Variants in TWIST2 observed in about 807,000 individuals in gnomAD.
The protein encoded by TWIST2 is twist-related protein 2.
A neutral mutation model predicts 11.6 loss-of-function variants in TWIST2; 1 was observed. That is an observed-to-expected ratio of 0.09 (90% CI 0.03 to 0.41). The LOEUF (loss-of-function observed/expected upper bound fraction) is 0.41, where lower values mean the gene tolerates loss of function less well. Among genes scored for constraint, TWIST2 ranks in the 10% least tolerant of loss-of-function variants. The pLI, the probability that TWIST2 is intolerant of heterozygous loss-of-function variation, is 0.98. For synonymous variants in TWIST2, 87 were observed against 96.6 expected, an observed-to-expected ratio of 0.90 and a Z score of 0.58; for missense variants, 168 against 226.4, an observed-to-expected ratio of 0.74 and a Z score of 1.66.
At chr2:238,870,151 C>A (rs1287670616) in intron 1 of TWIST2, among the ~76,000 whole-genome samples, 2 of 35,840 alleles carry the variant, frequency 5.6e-5, no homozygotes, top group African/African-American at 1.2e-4. Flanking sequence ...CCCATACACA[C>A]CACACCCCAC....
intron 1 of TWIST2, among the ~76,000 whole-genome samples, chr2:238,902,832 AGT>A (rs1203121909): frequency 5.0e-5 from 1 of 19,962 alleles, no homozygotes; most frequent in African/African-American, 2.9e-4. Context: ...TATGTGATAT[AGT>A]GTGTGTGATG....
chr2:238,906,610 A>T (rs1693359502), intron 1 of TWIST2, among the ~76,000 whole-genome samples: 2 of 151,926 alleles, frequency 1.3e-5, no homozygotes, highest in African/African-American at 2.4e-5. Flanking sequence ...CACTCTGGAC[A>T]TTCTTTCATA....
At chr2:238,872,287 TG>T in intron 1 of TWIST2, among the ~76,000 whole-genome samples, 1 of 152,132 alleles carries the variant, frequency 6.6e-6, no homozygotes, top group African/African-American at 2.4e-5. Flanking sequence ...GGCTGGACAC[TG>T]GGCTGAGCTA....
At chr2:238,908,594 G>A (rs1176790936) in intron 1 of TWIST2, among the ~76,000 whole-genome samples, 4 of 152,190 alleles carry the variant, frequency 2.6e-5, no homozygotes, top group Non-Finnish European at 5.9e-5. Flanking sequence ...CGACACCACT[G>A]TATGTGTGGC....
At chr2:238,905,956 TACGTGTGC>T (rs1693345738) in intron 1 of TWIST2, among the ~76,000 whole-genome samples, 5 of 111,178 alleles carry the variant, frequency 4.5e-5, no homozygotes, top group Admixed American at 1.6e-4. Context: ...CGCGCGTGTG[TACGTGTGC>T]GTGTGTGTGC....
chr2:238,887,253 C>T (rs1039211925), intron 1 of TWIST2: 10 of 152,138 alleles, frequency 6.6e-5, no homozygotes, highest in Non-Finnish European at 1.5e-4. Flanking sequence ...ATGAAGGTAA[C>T]TGAATGAGTA....
At chr2:238,851,825 G>A (rs747260094) in intron 1 of TWIST2, among the ~76,000 whole-genome samples, 56 of 152,180 alleles carry the variant, frequency 3.7e-4, no homozygotes, top group Non-Finnish European at 6.0e-4. Context: ...GCAATGTTTG[G>A]TTACAAAATA....
chr2:238,891,223 C>T (rs34004518), intron 1 of TWIST2, among the ~76,000 whole-genome samples: 30,151 of 152,178 alleles, frequency 0.2, 3,366 homozygotes, highest in Middle Eastern at 0.29. Flanking sequence ...TCCAGGTGCT[C>T]TTAGATCAGC....
At chr2:238,861,970 G>A (rs928862409) in intron 1 of TWIST2, among the ~76,000 whole-genome samples, 1 of 152,222 alleles carries the variant, frequency 6.6e-6, no homozygotes, top group Non-Finnish European at 1.5e-5. Flanking sequence ...GTCTTGGTGT[G>A]TATCCCTGTG....
chr2:238,855,547 AT>A (rs1335907526), intron 1 of TWIST2, among the ~76,000 whole-genome samples: 1 of 152,194 alleles, frequency 6.6e-6, no homozygotes, highest in African/African-American at 2.4e-5. Flanking sequence ...ATCATTTCGC[AT>A]TCCTTGTTTT....
intron 1 of TWIST2, among the ~76,000 whole-genome samples, chr2:238,852,911 A>G (rs1692266436): frequency 1.3e-5 from 2 of 152,256 alleles, no homozygotes; most frequent in South Asian, 4.1e-4. Context: ...AAATCTATAT[A>G]TTTAGATAAG....
chr2:238,873,898 T>A (rs1045571057), intron 1 of TWIST2, among the ~76,000 whole-genome samples: 1 of 152,134 alleles, frequency 6.6e-6, no homozygotes, highest in African/African-American at 2.4e-5. Context: ...AAATCCAGAC[T>A]GGAAATGGGA....
At chr2:238,900,118 G>A (rs1693251232) in intron 1 of TWIST2, among the ~76,000 whole-genome samples, 1 of 152,174 alleles carries the variant, frequency 6.6e-6, no homozygotes, top group Non-Finnish European at 1.5e-5. Flanking sequence ...ATTCTTCGTG[G>A]GGTAGATACA....
At chr2:238,885,785 T>G (rs1262559054) in intron 1 of TWIST2, among the ~76,000 whole-genome samples, 1 of 152,164 alleles carries the variant, frequency 6.6e-6, no homozygotes, top group African/African-American at 2.4e-5. Context: ...TAAAATCACA[T>G]TACTGGTTAG....
rs1194023607 is a variant in TWIST2 at position 238,864,987 on chromosome 2, T to A, written c.*35+16254T>A. On this transcript the variant is annotated intron_variant, in intron 1 of 1. Transcript: ENST00000612363. The surrounding 1 kb of genome is among the most constrained non-coding windows in gnomAD (Gnocchi z 4.7). Reference sequence around the variant, plus strand: ...GGGCCTGGCCACCCGAGGGGCCTCTTCTCTCCCCCTGCAAACTGACATAAA... The same window carrying A: ...GGGCCTGGCCACCCGAGGGGCCTCTACTCTCCCCCTGCAAACTGACATAAA... Among the ~76,000 whole-genome samples the A allele has an allele frequency of 6.6e-6, 1 of 152,002 alleles. No homozygotes were observed. Among genetic ancestry groups the A allele is most frequent in the Admixed American group, 6.5e-5 (1 of 15,276 alleles).
At chr2:238,877,397 A>G (rs775450949) in intron 1 of TWIST2, among the ~76,000 whole-genome samples, 6 of 152,194 alleles carry the variant, frequency 3.9e-5, no homozygotes, top group Non-Finnish European at 5.9e-5. Flanking sequence ...ACAGTTGTCT[A>G]CTAAGAACCT....
intron 1 of TWIST2, among the ~76,000 whole-genome samples, chr2:238,894,786 C>T (rs1015588785): frequency 2.0e-4 from 30 of 152,262 alleles, no homozygotes; most frequent in African/African-American, 7.0e-4. Flanking sequence ...GCTGCAATCC[C>T]GAATTCTGTG....
intron 1 of TWIST2, among the ~76,000 whole-genome samples, chr2:238,880,644 AGT>A (rs1394957432): frequency 1.1e-5 from 1 of 91,682 alleles, no homozygotes; most frequent in Non-Finnish European, 2.1e-5. Context: ...TGTTAGTCTT[AGT>A]GTTAGTGTCA....
In TWIST2 at chr2:238,866,337, G is replaced by A. The variant is rs151064005; in HGVS notation, c.*35+17604G>A. Among the ~76,000 whole-genome samples the A allele has an allele frequency of 1.2e-3, 186 of 152,326 alleles. No homozygotes were observed. Among genetic ancestry groups the A allele is most frequent in the Middle Eastern group, 3.4e-3 (1 of 294 alleles). ...CCAGTAAGAACAGGGGTGAGGAGATGAGCAAACCCACATGCTTGTTCTTAA... is the reference window on the plus strand; with the variant it reads ...CCAGTAAGAACAGGGGTGAGGAGATAAGCAAACCCACATGCTTGTTCTTAA... On this transcript the variant is annotated intron_variant, in intron 1 of 1. Coordinates refer to ENST00000612363, the MANE Select transcript of TWIST2 (RefSeq NM_001271893.4). This position sits in a 1 kb window ranked among gnomAD's most constrained non-coding sequence, Gnocchi z 4.9.
Sources: allele counts gnomAD v4.1 joint callset (sites outside exome capture counted in the v4.1 genomes callset), GRCh38; gene constraint gnomAD v4.1.1; non-coding constraint Gnocchi (gnomAD v3.1); transcripts MANE v1.5; gene names NCBI Gene and HGNC (gene_info 2026-07-23, HGNC 2026-07-21).